Variants in ST8SIA4 observed in about 807,000 individuals in gnomAD.
The protein encoded by ST8SIA4 is CMP-N-acetylneuraminate-poly-alpha-2,8-sialyltransferase.
ST8SIA4 carries 15 observed loss-of-function variants against 33.9 expected under a neutral mutation model. The observed-to-expected ratio is 0.44, with a 90% CI of 0.30 to 0.68. The LOEUF is 0.68. Ranked by LOEUF, ST8SIA4 falls within the 30% of genes least tolerant of loss-of-function variation. The pLI, the probability that ST8SIA4 is intolerant of heterozygous loss-of-function variation, is 0.10. For synonymous variants in ST8SIA4, 171 were observed against 151.2 expected, an observed-to-expected ratio of 1.13 and a Z score of -0.96; for missense variants, 321 against 428.0, an observed-to-expected ratio of 0.75 and a Z score of 2.21.
intron 3 of ST8SIA4, among the ~76,000 whole-genome samples, chr5:100,870,564 C>T (rs1008081501): frequency 6.6e-6 from 1 of 151,982 alleles, no homozygotes; most frequent in Admixed American, 6.6e-5. Flanking sequence ...TATGAAAAAT[C>T]GTTTACAATC....
At chr5:100,851,050 C>A (rs1490225526) in intron 4 of ST8SIA4, among the ~76,000 whole-genome samples, 1 of 149,116 alleles carries the variant, frequency 6.7e-6, no homozygotes, top group African/African-American at 2.5e-5. Context: ...ACCTCTGCCC[C>A]CTGGGCTTAA....
intron 4 of ST8SIA4, chr5:100,849,000 A>C: frequency 8.5e-6 from 4 of 468,136 alleles, no homozygotes; most frequent in Non-Finnish European, 1.1e-5. Flanking sequence ...GGTTAACTTA[A>C]CTGTGGTGTT....
chr5:100,849,084 T>C (rs1751630113), intron 4 of ST8SIA4: 1 of 890,130 alleles, frequency 1.1e-6, no homozygotes, highest in Non-Finnish European at 1.3e-6. Flanking sequence ...ATCTTTATTA[T>C]CATAATTACC....
At chr5:100,823,187 G>T (rs149493911) in intron 4 of ST8SIA4, among the ~76,000 whole-genome samples, 1 of 152,078 alleles carries the variant, frequency 6.6e-6, no homozygotes, top group East Asian at 1.9e-4. Flanking sequence ...AACCAAGACG[G>T]TGATGAGAGT....
intron 3 of ST8SIA4, among the ~76,000 whole-genome samples, chr5:100,869,219 G>A (rs1232854276): frequency 6.6e-6 from 1 of 152,082 alleles, no homozygotes; most frequent in African/African-American, 2.4e-5. Flanking sequence ...TGAAACAATA[G>A]GCACTGACAA....
At chr5:100,875,750 CTT>C (rs572590867) in intron 3 of ST8SIA4, among the ~76,000 whole-genome samples, 342 of 152,138 alleles carry the variant, frequency 2.2e-3, no homozygotes, top group Non-Finnish European at 3.6e-3. Flanking sequence ...ATAAAATAAA[CTT>C]GACGTTTATC....
intron 4 of ST8SIA4, 39 bp downstream of exon 4, chr5:100,856,064 A>C (rs570712819): frequency 1.8e-5 from 28 of 1,591,634 alleles, no homozygotes; most frequent in Non-Finnish European, 2.3e-5. Flanking sequence ...TATGTGTTCC[A>C]CTGTGCCAAG....
At chr5:100,883,264 A>G (rs1241031845) in intron 3 of ST8SIA4, among the ~76,000 whole-genome samples, 2 of 152,158 alleles carry the variant, frequency 1.3e-5, no homozygotes, top group African/African-American at 4.8e-5. Context: ...TGGAGCTTTA[A>G]AATTTGACTG....
chr5:100,894,505 C>T (rs1752737893), intron 2 of ST8SIA4, among the ~76,000 whole-genome samples: 1 of 152,076 alleles, frequency 6.6e-6, no homozygotes, highest in South Asian at 2.1e-4. Flanking sequence ...GATTTGATTC[C>T]TGTTTCCCTT....
intron 3 of ST8SIA4, among the ~76,000 whole-genome samples, chr5:100,859,453 G>A (rs1298889103): frequency 6.6e-6 from 1 of 151,912 alleles, no homozygotes; most frequent in Non-Finnish European, 1.5e-5. Flanking sequence ...AAATATTTGT[G>A]CCCATTTTAT....
chr5:100,856,013 T>G, intron 4 of ST8SIA4, 90 bp downstream of exon 4: 2 of 1,214,376 alleles, frequency 1.6e-6, no homozygotes, highest in Admixed American at 2.3e-5. Context: ...ATTTGGAGAT[T>G]TTACTGAAGC....
intron 3 of ST8SIA4, among the ~76,000 whole-genome samples, chr5:100,862,459 C>T (rs1026348558): frequency 3.9e-5 from 6 of 151,992 alleles, no homozygotes; most frequent in Non-Finnish European, 8.8e-5. Flanking sequence ...AGTGCAGTGG[C>T]GGGATATCGG....
chr5:100,900,583 G>C, intron 1 of ST8SIA4: 10 of 443,906 alleles, frequency 2.3e-5, no homozygotes, highest in South Asian at 1.6e-4. Context: ...GTTCCTGGCA[G>C]CTCCAACTCC....
intron 4 of ST8SIA4, chr5:100,849,454 G>A: frequency 1.0e-6 from 1 of 985,300 alleles, no homozygotes; most frequent in Non-Finnish European, 1.2e-6. Context: ...AATTTTCGCA[G>A]AACCTGCAAA....
intron 4 of ST8SIA4, among the ~76,000 whole-genome samples, chr5:100,831,727 A>G (rs527832659): frequency 1.3e-5 from 2 of 152,260 alleles, no homozygotes; most frequent in Admixed American, 1.3e-4. Context: ...ATCAGGCCCA[A>G]TGCATAGAGC....
chr5:100,828,572 C>G (rs1385146603), intron 4 of ST8SIA4, among the ~76,000 whole-genome samples: 2 of 152,186 alleles, frequency 1.3e-5, no homozygotes, highest in Non-Finnish European at 2.9e-5. Context: ...AGGCTCCTCT[C>G]AGGCCAAAAG....
rs1282976908 is a variant in ST8SIA4, at chr5:100,810,474, G to C, written c.*1373C>G. ...ATAACAAGGGGAATATCAAAGAACT[G>C]GAAGTCACATTTCAGCTATATCAAT... On this transcript the variant is annotated 3_prime_UTR_variant, in exon 5 of 5. Transcript: ENST00000231461. 1 of 151,938 alleles carries C rather than the reference G, an allele frequency of 6.6e-6. No homozygotes were observed. The highest frequency in any genetic ancestry group is 1.5e-5 in the Non-Finnish European group (1 of 67,974). The allele number at this position is 151,938 out of a possible 1,614,324, so 9.4% of individuals were successfully genotyped here.
chr5:100,841,092 A>G (rs1482822722), intron 4 of ST8SIA4, among the ~76,000 whole-genome samples: 2 of 151,862 alleles, frequency 1.3e-5, no homozygotes, highest in Non-Finnish European at 2.9e-5. Flanking sequence ...GAGGTTCATA[A>G]ATCTATTTGG....
At chr5:100,827,843 C>G (rs764318245) in intron 4 of ST8SIA4, among the ~76,000 whole-genome samples, 9 of 152,214 alleles carry the variant, frequency 5.9e-5, no homozygotes, top group Admixed American at 1.3e-4. Flanking sequence ...CAATCTACGG[C>G]TCTACAAGAA....
Sources: gnomAD v4.1 joint callset for allele counts (sites outside exome capture counted in the v4.1 genomes callset) on GRCh38, gnomAD v4.1.1 for gene constraint, MANE v1.5 for transcripts, NCBI Gene and HGNC (gene_info 2026-07-23, HGNC 2026-07-21) for gene names.